Variants in SIK3 observed in about 807,000 individuals in gnomAD.
The protein encoded by SIK3 is SIK family kinase 3.
SIK3 carries 28 observed loss-of-function variants against 144.2 expected under a neutral mutation model. The ratio of observed to expected loss-of-function variants is 0.19; its 90% CI spans 0.14 to 0.27. The LOEUF is 0.27. Ranked by LOEUF, SIK3 falls within the 10% of genes least tolerant of loss-of-function variation. The probability of loss-of-function intolerance (pLI) is 1.00; values close to 1 mark genes in which losing one functional copy is unlikely to be tolerated. For missense variants in SIK3, 1,319 were observed against 1,776.0 expected, an observed-to-expected ratio of 0.74 and a Z score of 4.62; for synonymous variants, 686 against 676.3, an observed-to-expected ratio of 1.01 and a Z score of -0.22.
Position 116,857,945 on chromosome 11 carries a change from G to C in SIK3, c.3520C>G (p.Leu1174Val). 1.2e-6 allele frequency: 2 copies of C among 1,614,236 alleles called. No homozygotes were observed. The highest frequency in any genetic ancestry group is 1.7e-6 in the Non-Finnish European group (2 of 1,180,050). ...CCAGGTCCACCGGTACTCAAGAGCA[G>C]AGGGCTGTCATGGCAACCTTTGGTC... Reference protein sequence around the residue: ...TLTKGCHDSPLLLSTGGPGDP... With the variant: ...TLTKGCHDSPVLLSTGGPGDP... The change falls in exon 21 of 25, where the codon CTG becomes GTG. Residue 1174 changes from leucine (L) to valine (V), a missense_variant. Physicochemically the swap from Leu to Val is conservative, Grantham distance 32. Transcript: ENST00000445177.
chr11:116,886,326 G>A (rs1323319748), intron 6 of SIK3, among the ~76,000 whole-genome samples: 1 of 152,204 alleles, frequency 6.6e-6, no homozygotes, highest in Non-Finnish European at 1.5e-5. Flanking sequence ...TCGGTATATG[G>A]AGACTTGGTG....
intron 21 of SIK3, 69 bp downstream of exon 21, chr11:116,857,741 A>G (rs1458293895): frequency 3.9e-6 from 6 of 1,540,922 alleles, no homozygotes; most frequent in Non-Finnish European, 5.2e-6. Flanking sequence ...AGCTGAAAAA[A>G]GATAACATTA....
In SIK3 at chr11:117,006,414, C is replaced by T. The variant is rs368799707; in HGVS notation, c.274-49350G>A. On this transcript the variant is annotated intron_variant, in intron 1 of 24. Transcript: ENST00000445177. ...ATTTATTCAAAGTCTCTCCAAAATA[C>T]TCCACTTGGAGACTACTCAAAACAA... is the stretch of plus-strand genomic sequence containing the variant. 2.0e-4 allele frequency among the ~76,000 whole-genome samples: 30 copies of T among 152,158 alleles called. No individual in the cohort carries two copies. In the East Asian group the frequency reaches 5.0e-3, roughly 25 times the overall value.
At chr11:116,891,244 G>A (rs186498627) in intron 6 of SIK3, among the ~76,000 whole-genome samples, 1 of 152,316 alleles carries the variant, frequency 6.6e-6, no homozygotes, top group East Asian at 1.9e-4. Flanking sequence ...CTGAGCCCAG[G>A]AACTGGAGAT....
intron 1 of SIK3, among the ~76,000 whole-genome samples, chr11:117,096,022 A>G (rs1955457762): frequency 6.6e-6 from 1 of 152,226 alleles, no homozygotes; most frequent in Admixed American, 6.5e-5. Context: ...CTGCAGTCCT[A>G]AAGGATACCA....
intron 1 of SIK3, among the ~76,000 whole-genome samples, chr11:116,970,698 T>C (rs991714005): frequency 2.0e-5 from 3 of 152,104 alleles, no homozygotes; most frequent in Non-Finnish European, 4.4e-5. Context: ...TTGACCACGC[T>C]GGAGTGCAAT....
intron 1 of SIK3, among the ~76,000 whole-genome samples, chr11:117,023,621 A>AAAAAAATAT (rs754624841): frequency 2.1e-5 from 2 of 95,418 alleles, no homozygotes; most frequent in East Asian, 3.1e-4. Flanking sequence ...AAAAAAAAAA[A>AAAAAAATAT]ATATATATAT....
intron 1 of SIK3, among the ~76,000 whole-genome samples, chr11:117,063,619 CCT>C (rs1953894022): frequency 6.7e-6 from 1 of 150,248 alleles, no homozygotes; most frequent in Non-Finnish European, 1.5e-5. Flanking sequence ...GGAATCTCAC[CCT>C]GTTGCCCAGG....
intron 1 of SIK3, among the ~76,000 whole-genome samples, chr11:116,988,805 A>AAT (rs1950407738): frequency 6.6e-6 from 1 of 150,772 alleles, no homozygotes. Context: ...ATAAATAAAT[A>AAT]ATATATATAT....
intron 1 of SIK3, among the ~76,000 whole-genome samples, chr11:117,001,335 A>G (rs1308294960): frequency 6.6e-6 from 1 of 152,112 alleles, no homozygotes; most frequent in African/African-American, 2.4e-5. Context: ...GTGAAACCCC[A>G]TCTCTACTAA....
At chr11:117,050,846 G>A (rs771640301) in intron 1 of SIK3, among the ~76,000 whole-genome samples, 3 of 152,094 alleles carry the variant, frequency 2.0e-5, no homozygotes, top group Non-Finnish European at 4.4e-5. Context: ...ACTAGGCCAG[G>A]TAAGCTACAC....
At chr11:116,940,567 A>G (rs1299023975) in intron 3 of SIK3, among the ~76,000 whole-genome samples, 2 of 152,052 alleles carry the variant, frequency 1.3e-5, no homozygotes, top group African/African-American at 4.8e-5. Flanking sequence ...AGCAAAAATA[A>G]TTTGATTTGT....
chr11:116,893,643 C>A (rs1225871170), intron 6 of SIK3, among the ~76,000 whole-genome samples: 6 of 151,916 alleles, frequency 3.9e-5, no homozygotes, highest in African/African-American at 7.3e-5. Context: ...TGCATTCCAA[C>A]CTGAGCAACA....
chr11:117,023,601 CAAACAAACAAAAA>C (rs1455939596), intron 1 of SIK3, among the ~76,000 whole-genome samples: 4 of 36,404 alleles, frequency 1.1e-4, no homozygotes, highest in African/African-American at 8.6e-4. Context: ...AACAAACAAA[CAAACAAACAAAAA>C]AAAAAAAATA....
intron 1 of SIK3, among the ~76,000 whole-genome samples, chr11:117,029,579 G>A (rs1378981064): frequency 6.6e-6 from 1 of 152,108 alleles, no homozygotes; most frequent in Non-Finnish European, 1.5e-5. Context: ...CAAAAAATAT[G>A]AGGGCCTAAA....
At chr11:116,861,482 T>G in intron 18 of SIK3, 99 bp from the exon 19 acceptor site, 1 of 893,394 alleles carries the variant, frequency 1.1e-6, no homozygotes, top group Non-Finnish European at 1.7e-6. Context: ...AACTATTTTT[T>G]TTTACTTTGA....
At chr11:116,930,986 T>A (rs1297077233) in intron 3 of SIK3, among the ~76,000 whole-genome samples, 1 of 152,018 alleles carries the variant, frequency 6.6e-6, no homozygotes, top group African/African-American at 2.4e-5. Context: ...GGAAAAAAAA[T>A]GGTTCTCCTG....
intron 6 of SIK3, among the ~76,000 whole-genome samples, chr11:116,895,838 A>G (rs1478198859): frequency 6.6e-6 from 1 of 152,238 alleles, no homozygotes; most frequent in Non-Finnish European, 1.5e-5. Flanking sequence ...CCACATTGCA[A>G]TGAGAACCCA....
intron 1 of SIK3, among the ~76,000 whole-genome samples, chr11:116,982,571 C>T (rs1033886996): frequency 4.6e-5 from 7 of 151,802 alleles, no homozygotes; most frequent in Admixed American, 6.6e-5. Context: ...TACAGGCGTG[C>T]GCCACTATGC....
Sources: gnomAD v4.1 joint callset for allele counts (sites outside exome capture counted in the v4.1 genomes callset) on GRCh38, gnomAD v4.1.1 for gene constraint, MANE v1.5 for transcripts, NCBI Gene and HGNC (gene_info 2026-07-23, HGNC 2026-07-21) for gene names.